Variants in POTEE observed in about 807,000 individuals in gnomAD.
POTEE encodes the protein ANKRD26-like family C member 1A.
Under a neutral mutation model 74.2 loss-of-function variants are expected in POTEE, and 21 were observed. That is an observed-to-expected ratio of 0.28 (90% CI 0.20 to 0.41). The LOEUF is 0.41. Among genes scored for constraint, POTEE ranks in the 10% least tolerant of loss-of-function variants. POTEE has a pLI of 1.00. For missense variants in POTEE, 525 were observed against 1,158.6 expected, an observed-to-expected ratio of 0.45 and a Z score of 7.94; for synonymous variants, 211 against 432.8, an observed-to-expected ratio of 0.49 and a Z score of 6.36.
chr2:131,221,511 A>G (rs1416657562), intron 4 of POTEE, among the ~76,000 whole-genome samples: 1 of 152,074 alleles, frequency 6.6e-6, no homozygotes, highest in African/African-American at 2.4e-5. Flanking sequence ...GTTTTAGTTA[A>G]AGTTCATTAG....
In POTEE at chr2:131,218,579, C is replaced by T. The variant is rs373035954; in HGVS notation, c.177C>T (p.Ser59=). 8.8e-4 allele frequency: 1,425 copies of T among 1,612,402 alleles called. No homozygotes were observed. In the African/African-American group the frequency reaches 0.016, roughly 18 times the overall value. The part of the protein sequence containing the change: ...HDDSAMKTLR[S]KMGKWCHHCF... ...ACTCTGCTATGAAGACACTCAGGAG[C>T]AAGATGGGCAAGTGGTGCCACCACT... is the stretch of plus-strand genomic sequence containing the variant. Residue 59 remains serine, a synonymous_variant, in exon 4 of 18, where the codon AGC becomes AGT. Transcript: ENST00000683005.
intron 2 of POTEE, among the ~76,000 whole-genome samples, chr2:131,215,235 G>C (rs536557722): frequency 6.6e-6 from 1 of 152,200 alleles, no homozygotes; most frequent in South Asian, 2.1e-4. Context: ...TAATAGATAT[G>C]TTTTTGATTC....
rs1479635994 is a variant in POTEE, at chr2:131,263,744, C to A, written c.2289C>A (p.Gly763=). The change falls in exon 18 of 18, where the codon GGC becomes GGA. Residue 763 remains glycine (G), a synonymous_variant. Coordinates refer to ENST00000683005, the MANE Select transcript of POTEE (RefSeq NM_001083538.3). ...YVGKEAQSKR[G]ILTLKYPMEH... ...GCAAGGAGGCCCAGAGCAAGAGAGG[C>A]ATCCTGACCCTGAAGTACCCCATGG... 1 of 1,611,880 alleles carries A rather than the reference C, an allele frequency of 6.2e-7. No individual in the cohort carries two copies. The highest frequency in any genetic ancestry group is 2.2e-5 in the East Asian group (1 of 44,856).
In POTEE at chr2:131,216,343, A is replaced by C. The variant is rs1194617978; in HGVS notation, c.-188-1246A>C. On this transcript the variant is annotated intron_variant, in intron 2 of 17. Coordinates refer to ENST00000683005, the MANE Select transcript of POTEE (RefSeq NM_001083538.3). ...CAGAAATAGAAAAATTAGTCCTAAA[A>C]TCTGAATGGAACCACAAAAGATGCT... Among the ~76,000 whole-genome samples the C allele has an allele frequency of 2.6e-5, 4 of 152,374 alleles. No homozygotes were observed. The South Asian group carries it at 8.3e-4, about 32-fold the overall frequency.
chr2:131,263,965 A>C lies in POTEE; in HGVS notation c.2510A>C (p.Gln837Pro). 1 of 1,614,180 alleles carries C rather than the reference A, an allele frequency of 6.2e-7. No individual in the cohort carries two copies. The highest frequency in any genetic ancestry group is 2.2e-5 in the East Asian group (1 of 44,866). ...FNTPAMYVAI[Q>P]AVPSLYTSGR... ...ACCCCAGCCATGTACGTGGCCATCC[A>C]GGCCGTGCCGTCCCTGTACACCTCT... Residue 837 changes from glutamine (Q) to proline (P), a missense_variant, in exon 18 of 18, where the codon CAG becomes CCG. Gln to Pro is a moderately conservative substitution (Grantham distance 76). Transcript: ENST00000683005.
intron 17 of POTEE, among the ~76,000 whole-genome samples, chr2:131,262,486 AAAT>A (rs1302090829): frequency 8.5e-6 from 1 of 117,026 alleles, no homozygotes; most frequent in Non-Finnish European, 1.9e-5. Context: ...CCGCAATGGC[AAAT>A]AATCTCATGA....
Position 131,218,457 on chromosome 2 carries a change from G to C in POTEE, c.55G>C (p.Gly19Arg). 6.2e-7 allele frequency: 1 copy of C among 1,613,212 alleles called. No homozygotes were observed. The highest frequency in any genetic ancestry group is 8.5e-7 in the Non-Finnish European group (1 of 1,179,854). Residue 19 changes from glycine to arginine, a missense_variant, in exon 4 of 18, where the codon GGT (glycine) becomes CGT (arginine). Physicochemically the swap from Gly to Arg is moderately radical, Grantham distance 125. Coordinates refer to ENST00000683005, the MANE Select transcript of POTEE (RefSeq NM_001083538.3). ...PAASSVKKPF[G>R]LRSKMGKWCC... Reference sequence around the variant, plus strand: ...TGCCTCTTCTGTGAAGAAGCCATTTGGTCTCAGGAGCAAGATGGGCAAGTG... The same window carrying C: ...TGCCTCTTCTGTGAAGAAGCCATTTCGTCTCAGGAGCAAGATGGGCAAGTG...
rs753250703 is a variant in POTEE at position 131,230,788 on chromosome 2, A to G, written c.1056-48A>G. Reference sequence around the variant, plus strand: ...ATTCTACATTTGGTAAGTTTTTTTTATATCAGTATTAAAATAGTAATTTGG... The same window carrying G: ...ATTCTACATTTGGTAAGTTTTTTTTGTATCAGTATTAAAATAGTAATTTGG... On this transcript the variant is annotated intron_variant, in intron 8 of 17. Coordinates refer to ENST00000683005, the MANE Select transcript of POTEE (RefSeq NM_001083538.3). The G allele has an allele frequency of 8.9e-6, 14 of 1,567,990 alleles. No individual in the cohort carries two copies. In the South Asian group the frequency reaches 9.3e-5, roughly 10 times the overall value.
chr2:131,260,571 G>A (rs1701678036), intron 16 of POTEE, among the ~76,000 whole-genome samples: 3 of 149,250 alleles, frequency 2.0e-5, no homozygotes, highest in Admixed American at 1.3e-4. Flanking sequence ...ACACCTTTTT[G>A]AGCCACTGTA....
intron 2 of POTEE, among the ~76,000 whole-genome samples, 171 bp downstream of exon 2, chr2:131,211,354 G>C (rs1700353670): frequency 6.6e-6 from 1 of 151,556 alleles, no homozygotes; most frequent in South Asian, 2.1e-4. Flanking sequence ...ACCTGGGGTG[G>C]GGAGGAACCT....
At chr2:131,214,131 C>T (rs1333967535) in intron 2 of POTEE, among the ~76,000 whole-genome samples, 3 of 152,050 alleles carry the variant, frequency 2.0e-5, no homozygotes, top group African/African-American at 7.2e-5. Flanking sequence ...ACAGAAGGTT[C>T]CACAAACCCC....
chr2:131,217,937 T>A (rs1700487264), intron 3 of POTEE: 1 of 249,128 alleles, frequency 4.0e-6, no homozygotes, highest in Non-Finnish European at 7.8e-6. Flanking sequence ...ACGCGCATGC[T>A]GCACGCGCTT....
intron 2 of POTEE, among the ~76,000 whole-genome samples, chr2:131,212,293 C>CCTA (rs1700374710): frequency 6.6e-6 from 1 of 151,600 alleles, no homozygotes; most frequent in African/African-American, 2.4e-5. Context: ...TTAATTACAT[C>CCTA]CTACTGCTCA....
At chr2:131,213,039 C>CA (rs1257410843) in intron 2 of POTEE, among the ~76,000 whole-genome samples, 12 of 151,286 alleles carry the variant, frequency 7.9e-5, no homozygotes, top group African/African-American at 2.9e-4. Context: ...TGGCTCACTG[C>CA]AACCCCTGCC....
At chr2:131,225,308 C>T (rs1315644709) in intron 6 of POTEE, among the ~76,000 whole-genome samples, 2 of 152,080 alleles carry the variant, frequency 1.3e-5, no homozygotes, top group Admixed American at 6.5e-5. Flanking sequence ...GCTAGGGAGG[C>T]TGAGGTGGGA....
chr2:131,228,920 C>G (rs1410974640), intron 8 of POTEE, among the ~76,000 whole-genome samples: 4 of 145,248 alleles, frequency 2.8e-5, no homozygotes, highest in South Asian at 4.2e-4. Context: ...CAAACTGGTC[C>G]TGCTGCCTTA....
intron 4 of POTEE, among the ~76,000 whole-genome samples, chr2:131,221,373 A>G (rs1055110642): frequency 1.3e-5 from 2 of 152,232 alleles, no homozygotes; most frequent in African/African-American, 4.8e-5. Flanking sequence ...GGTTACACAT[A>G]TACACGAACA....
intron 9 of POTEE, among the ~76,000 whole-genome samples, chr2:131,232,957 C>G (rs1322028289): frequency 6.6e-6 from 1 of 151,928 alleles, no homozygotes; most frequent in Non-Finnish European, 1.5e-5. Flanking sequence ...TGCTCATTCC[C>G]AAACCAGGCA....
intron 9 of POTEE, among the ~76,000 whole-genome samples, chr2:131,231,256 A>G (rs1188624687): frequency 6.7e-6 from 1 of 149,374 alleles, no homozygotes; most frequent in African/African-American, 2.5e-5. Context: ...GGCAGTTCAC[A>G]ACAGGGTTCA....
Sources: allele counts gnomAD v4.1 joint callset (sites outside exome capture counted in the v4.1 genomes callset), GRCh38; gene constraint gnomAD v4.1.1; transcripts MANE v1.5; gene names NCBI Gene and HGNC (gene_info 2026-07-23, HGNC 2026-07-21).